MITF: variants seen among roughly 807,000 people sequenced by gnomAD.
MITF encodes the protein melanocyte inducing transcription factor.
In MITF, 17 loss-of-function variants were observed where a neutral mutation model predicts 60.5. The observed-to-expected ratio is 0.28, with a 90% CI of 0.19 to 0.42. The LOEUF (loss-of-function observed/expected upper bound fraction) is 0.42, where lower values mean the gene tolerates loss of function less well. MITF is among the 10% of genes least tolerant of loss of function. The pLI is 1.00. For synonymous variants in MITF, 260 were observed against 248.5 expected, an observed-to-expected ratio of 1.05 and a Z score of -0.43; for missense variants, 622 against 683.5, an observed-to-expected ratio of 0.91 and a Z score of 1.00.
intron 1 of MITF, among the ~76,000 whole-genome samples, chr3:69,784,431 T>A (rs1377923156): frequency 6.6e-6 from 1 of 152,180 alleles, no homozygotes; most frequent in Non-Finnish European, 1.5e-5. Context: ...TGAGAAGACA[T>A]TTTGAGGATT....
At chr3:69,832,702 C>G (rs34162170) in intron 1 of MITF, among the ~76,000 whole-genome samples, 1 of 151,620 alleles carries the variant, frequency 6.6e-6, no homozygotes. Context: ...TTTTTTGCCT[C>G]GTTACACCAT....
chr3:69,870,626 G>A (rs1259271695), intron 1 of MITF, among the ~76,000 whole-genome samples: 2 of 151,494 alleles, frequency 1.3e-5, no homozygotes, highest in Admixed American at 6.6e-5. Context: ...GTAGAGACGG[G>A]GTTTCACCAT....
chr3:69,892,084 C>A (rs2064772554), intron 2 of MITF, among the ~76,000 whole-genome samples: 1 of 152,120 alleles, frequency 6.6e-6, no homozygotes, highest in African/African-American at 2.4e-5. Flanking sequence ...ATGTACCATT[C>A]ATCTCTTTTA....
At chr3:69,881,991 G>A (rs1241088152) in intron 2 of MITF, among the ~76,000 whole-genome samples, 2 of 152,132 alleles carry the variant, frequency 1.3e-5, no homozygotes, top group Admixed American at 6.5e-5. Context: ...CAAGTTGTTT[G>A]TAAGAACCAG....
chr3:69,902,155 G>A (rs2065007440), intron 2 of MITF, among the ~76,000 whole-genome samples: 2 of 152,098 alleles, frequency 1.3e-5, no homozygotes, highest in African/African-American at 4.8e-5. Flanking sequence ...TTTTATATGT[G>A]AGTCATAGTA....
In MITF at chr3:69,789,596, T is replaced by C. The variant is rs757600978; in HGVS notation, c.104+49895T>C. On this transcript the variant is annotated intron_variant, in intron 1 of 9. Transcript: ENST00000352241. ...ATAGAGGTTCATAAAAAATTAAAAA[T>C]AGTAATCCCAGCACTTTGGGAGGCC... Among the ~76,000 whole-genome samples, 6 of 152,052 alleles carry C rather than the reference T, an allele frequency of 3.9e-5. No individual in the cohort carries two copies. In the South Asian group the frequency reaches 1.2e-3, roughly 32 times the overall value.
At chr3:69,836,810 T>C (rs2063547881) in intron 1 of MITF, among the ~76,000 whole-genome samples, 1 of 152,182 alleles carries the variant, frequency 6.6e-6, no homozygotes, top group Non-Finnish European at 1.5e-5. Flanking sequence ...CCCTCCCTAG[T>C]TTAAGCAGAA....
intron 2 of MITF, among the ~76,000 whole-genome samples, chr3:69,934,609 TGCA>T (rs1426766704): frequency 6.6e-6 from 1 of 152,206 alleles, no homozygotes; most frequent in Non-Finnish European, 1.5e-5. Context: ...GTTAATGAAT[TGCA>T]GAAGGTACAC....
rs2065963248 is a variant in MITF at position 69,941,291 on chromosome 3, T to A, written c.722T>A (p.Ile241Asn). 1 of 1,613,182 alleles carries A rather than the reference T, an allele frequency of 6.2e-7. No homozygotes were observed. Among genetic ancestry groups the A allele is most frequent in the African/African-American group, 1.3e-5 (1 of 74,888 alleles). The change falls in exon 5 of 10, where the codon ATC becomes AAC. Residue 241 changes from isoleucine (I) to asparagine (N), a missense_variant. By Grantham distance (149) the Ile-to-Asn change is moderately radical. Transcript: ENST00000352241. ...CTAGAATCAAGTTATAATGAGGAAA[T>A]CTTGGGCTTGATGGATCCTGCTTTG... ...ISLESSYNEE[I>N]LGLMDPALQM... is the part of the protein sequence containing the mutation.
rs532090486 is a variant in MITF, at chr3:69,962,936, G to T, written c.1180-1911G>T. On this transcript the variant is annotated intron_variant, in intron 9 of 9. Transcript: ENST00000352241. Reference sequence around the variant, plus strand: ...CCAAGATCAAGTTGTCAGCAGGGTTGGTCCCTTCTGAGGCCTCTCTCCTTG... The same window carrying T: ...CCAAGATCAAGTTGTCAGCAGGGTTTGTCCCTTCTGAGGCCTCTCTCCTTG... Among the ~76,000 whole-genome samples the T allele has an allele frequency of 3.9e-5, 6 of 152,272 alleles. No homozygotes were observed. The East Asian group carries it at 9.7e-4, about 25-fold the overall frequency.
chr3:69,952,897 A>G (rs1162329776), intron 7 of MITF, among the ~76,000 whole-genome samples: 1 of 152,168 alleles, frequency 6.6e-6, no homozygotes, highest in Non-Finnish European at 1.5e-5. Flanking sequence ...ATAGTATTTT[A>G]TAGTGTGACT....
intron 1 of MITF, among the ~76,000 whole-genome samples, chr3:69,777,894 G>A (rs189344642): frequency 6.6e-6 from 1 of 152,268 alleles, no homozygotes; most frequent in East Asian, 1.9e-4. Context: ...AAGGCCAATA[G>A]AGAGGAATGG....
chr3:69,807,761 T>A (rs1215065414), intron 1 of MITF, among the ~76,000 whole-genome samples: 1 of 152,232 alleles, frequency 6.6e-6, no homozygotes. Context: ...AATTTTCCAA[T>A]GACCCATTTT....
chr3:69,864,101 A>G (rs1481413853), intron 1 of MITF, among the ~76,000 whole-genome samples: 1 of 152,186 alleles, frequency 6.6e-6, no homozygotes, highest in Admixed American at 6.5e-5. Context: ...TGCTGAACAC[A>G]TTACTTGTCA....
intron 1 of MITF, among the ~76,000 whole-genome samples, chr3:69,815,953 A>G (rs1320038882): frequency 6.6e-6 from 1 of 152,164 alleles, no homozygotes; most frequent in African/African-American, 2.4e-5. Flanking sequence ...GTTTAGCCCT[A>G]TACCCAAGTG....
chr3:69,765,921 T>C (rs1308415583), intron 1 of MITF, among the ~76,000 whole-genome samples: 1 of 152,228 alleles, frequency 6.6e-6, no homozygotes, highest in Non-Finnish European at 1.5e-5. Flanking sequence ...TCAAATGTCA[T>C]TGTGGAGCTT....
At chr3:69,847,629 A>T (rs1337107863) in intron 1 of MITF, among the ~76,000 whole-genome samples, 4 of 152,228 alleles carry the variant, frequency 2.6e-5, no homozygotes, top group Non-Finnish European at 5.9e-5. Flanking sequence ...TTCACTAAAT[A>T]GCTGAATGGA....
At chr3:69,786,939 T>C (rs951714640) in intron 1 of MITF, among the ~76,000 whole-genome samples, 2 of 152,196 alleles carry the variant, frequency 1.3e-5, no homozygotes, top group African/African-American at 4.8e-5. Flanking sequence ...GTTATCATCA[T>C]GTACCTGGTT....
chr3:69,743,422 C>G (rs765494107), intron 1 of MITF, among the ~76,000 whole-genome samples: 12 of 152,210 alleles, frequency 7.9e-5, no homozygotes, highest in South Asian at 4.1e-4. Context: ...ACTAGGCTTT[C>G]TCCAAAGAGG....
Sources: gnomAD v4.1 joint callset for allele counts (sites outside exome capture counted in the v4.1 genomes callset) on GRCh38, gnomAD v4.1.1 for gene constraint, MANE v1.5 for transcripts, NCBI Gene and HGNC (gene_info 2026-07-23, HGNC 2026-07-21) for gene names.